The following NSMAF variants were observed in gnomAD, a reference collection of about 807,000 sequenced individuals.
The protein encoded by NSMAF is protein FAN.
NSMAF carries 90 observed loss-of-function variants against 134.9 expected under a neutral mutation model. The ratio of observed to expected loss-of-function variants is 0.67; its 90% CI spans 0.56 to 0.79. The LOEUF is 0.79. Ranked by LOEUF, NSMAF falls within the 30% of genes least tolerant of loss-of-function variation. The probability of loss-of-function intolerance (pLI) is 0.00; values close to 1 mark genes in which losing one functional copy is unlikely to be tolerated. For missense variants in NSMAF, 1,010 were observed against 1,119.0 expected (o/e 0.90, Z 1.39); for synonymous variants, 358 against 389.6 (o/e 0.92, Z 0.96).
At chr8:58,610,793 C>T (rs1418392437) in intron 9 of NSMAF, among the ~76,000 whole-genome samples, 1 of 152,232 alleles carries the variant, frequency 6.6e-6, no homozygotes, top group Non-Finnish European at 1.5e-5. Context: ...AAATCTCCCA[C>T]AGTTCAGAAA....
intron 2 of NSMAF, among the ~76,000 whole-genome samples, chr8:58,641,453 C>T (rs554837738): frequency 1.3e-5 from 2 of 151,926 alleles, no homozygotes; most frequent in South Asian, 4.1e-4. Flanking sequence ...TTAGTTTATG[C>T]CTCCGATTTT....
At chr8:58,654,310 T>C (rs1415902414) in intron 1 of NSMAF, among the ~76,000 whole-genome samples, 2 of 152,142 alleles carry the variant, frequency 1.3e-5, no homozygotes, top group Admixed American at 6.6e-5. Flanking sequence ...TAAAAGAAAG[T>C]TGGGCCGGGC....
chr8:58,644,528 T>TA, intron 1 of NSMAF, among the ~76,000 whole-genome samples: 1 of 152,310 alleles, frequency 6.6e-6, no homozygotes, highest in East Asian at 1.9e-4. Context: ...GAGTGTAAAT[T>TA]AGTTCAACCA....
At chr8:58,590,972 T>G in intron 23 of NSMAF, 38 bp from the exon 24 acceptor site, 1 of 1,545,142 alleles carries the variant, frequency 6.5e-7, no homozygotes, top group Non-Finnish European at 8.8e-7. Flanking sequence ...TAAGAAAGAT[T>G]TCCTAACCAT....
At chr8:58,585,847 T>C (rs1296130730) in intron 29 of NSMAF, 51 bp downstream of exon 29, 2 of 1,580,436 alleles carry the variant, frequency 1.3e-6, no homozygotes, top group Non-Finnish European at 1.7e-6. Context: ...AATGAAGTGA[T>C]CATGAACATG....
intron 1 of NSMAF, among the ~76,000 whole-genome samples, chr8:58,658,593 C>T (rs1027977150): frequency 6.6e-6 from 1 of 152,172 alleles, no homozygotes; most frequent in East Asian, 1.9e-4. Context: ...GATGAGACAA[C>T]GTGACAGGCT....
chr8:58,621,783 T>C (rs10087843), intron 9 of NSMAF, among the ~76,000 whole-genome samples: 46,993 of 152,112 alleles, frequency 0.31, 7,690 homozygotes, highest in Non-Finnish European at 0.36. Context: ...TATGTCTTTT[T>C]TTGAAAAGTG....
chr8:58,632,725 C>T (rs1807082158), intron 5 of NSMAF, among the ~76,000 whole-genome samples: 1 of 152,202 alleles, frequency 6.6e-6, no homozygotes, highest in Admixed American at 6.5e-5. Flanking sequence ...TCTTGCTAGC[C>T]TCTGCCTCCT....
intron 9 of NSMAF, among the ~76,000 whole-genome samples, chr8:58,622,442 G>A (rs895854212): frequency 1.3e-5 from 2 of 151,706 alleles, no homozygotes; most frequent in Non-Finnish European, 2.9e-5. Flanking sequence ...CACCCGAGCT[G>A]GAGTGCAGTG....
intron 28 of NSMAF, 28 bp from the exon 29 acceptor site, chr8:58,586,028 G>A: frequency 6.6e-7 from 1 of 1,508,680 alleles, no homozygotes. Flanking sequence ...ACTCAGATAT[G>A]AGTGACAGCT....
rs1260697183 is a variant in NSMAF, at chr8:58,594,264, CGA to C, written c.1917_1918del (p.Arg640GlnfsTer19). ...TGTTGTGAATACTGAAGATCCATTG[CGA>C]GAGACCGTGATTCCAGTAACTGCTC... On this transcript the variant is annotated frameshift_variant, in exon 23 of 31. Transcript: ENST00000038176. LOFTEE classifies it high-confidence loss of function. The C allele has an allele frequency of 7.4e-6, 12 of 1,613,994 alleles. No homozygotes were observed. The highest frequency in any genetic ancestry group is 1.0e-5 in the Non-Finnish European group (12 of 1,179,986).
At chr8:58,588,273 G>A in intron 26 of NSMAF, 1 of 642,930 alleles carries the variant, frequency 1.6e-6, no homozygotes, top group South Asian at 1.8e-5. Context: ...TGAGCATTCA[G>A]ATATTTTCAG....
chr8:58,588,927 A>C (rs994041087), intron 26 of NSMAF, among the ~76,000 whole-genome samples: 3 of 152,122 alleles, frequency 2.0e-5, no homozygotes, highest in Non-Finnish European at 4.4e-5. Flanking sequence ...TGGAATACAC[A>C]GTACAGAAAT....
At chr8:58,620,363 C>T (rs538723315) in intron 9 of NSMAF, among the ~76,000 whole-genome samples, 1 of 152,228 alleles carries the variant, frequency 6.6e-6, no homozygotes, top group South Asian at 2.1e-4. Context: ...ACAGAAACTG[C>T]AGGCAATGCA....
Position 58,584,158 on chromosome 8 carries a change from A to G in NSMAF, c.2702T>C (p.Ile901Thr). 2 of 1,613,810 alleles carry G rather than the reference A, an allele frequency of 1.2e-6. No individual in the cohort carries two copies. Among genetic ancestry groups the G allele is most frequent in the Non-Finnish European group, 1.7e-6 (2 of 1,179,752 alleles). ...CIWMNEQCSSIITGGEDRQII... is the reference protein window; with the variant it reads ...CIWMNEQCSSTITGGEDRQII... ...TTGTCTGTCTTCCCCTCCTGTGATG[A>G]TACTGCTACACTGTTCATTCATCCA... Residue 901 changes from isoleucine to threonine, a missense_variant, in exon 31 of 31, where the codon ATC becomes ACC. By Grantham distance (89) the Ile-to-Thr change is moderately conservative. Transcript: ENST00000038176.
chr8:58,595,050 G>A (rs1381348647), intron 22 of NSMAF, among the ~76,000 whole-genome samples: 1 of 152,172 alleles, frequency 6.6e-6, no homozygotes, highest in Non-Finnish European at 1.5e-5. Context: ...TAATGAGAGA[G>A]GGCAGAGAAC....
At chr8:58,599,934 A>G (rs1005826924) in intron 17 of NSMAF, 36 bp downstream of exon 17, 20 of 1,612,998 alleles carry the variant, frequency 1.2e-5, no homozygotes, top group Admixed American at 1.7e-5. Flanking sequence ...TAGAAACCCC[A>G]AGTCCAGTTA....
intron 23 of NSMAF, among the ~76,000 whole-genome samples, chr8:58,593,239 T>C (rs926382326): frequency 6.6e-6 from 1 of 152,234 alleles, no homozygotes; most frequent in Non-Finnish European, 1.5e-5. Flanking sequence ...GTTTGGGAAC[T>C]GCACATGAAC....
intron 11 of NSMAF, among the ~76,000 whole-genome samples, chr8:58,607,411 A>T (rs1468180318): frequency 6.6e-6 from 1 of 152,212 alleles, no homozygotes; most frequent in East Asian, 1.9e-4. Flanking sequence ...TTTTGCTTTG[A>T]GACCTAGCTG....
Sources: allele counts gnomAD v4.1 joint callset (sites outside exome capture counted in the v4.1 genomes callset), GRCh38; gene constraint gnomAD v4.1.1; transcripts MANE v1.5; gene names NCBI Gene and HGNC (gene_info 2026-07-23, HGNC 2026-07-21).